ABCA13: variants seen among roughly 807,000 people sequenced by gnomAD.
The protein encoded by ABCA13 is ATP binding cassette subfamily A member 13.
ABCA13 carries 476 observed loss-of-function variants against 478.7 expected under a neutral mutation model. That is an observed-to-expected ratio of 0.99 (90% confidence interval 0.92 to 1.07). The LOEUF (loss-of-function observed/expected upper bound fraction) is 1.07, where lower values mean the gene tolerates loss of function less well. Ranked by LOEUF, ABCA13 falls within the 50% of genes least tolerant of loss-of-function variation. The pLI is 0.00. For missense variants in ABCA13, 6,060 were observed against 5,910.6 expected (o/e 1.03, Z -0.83); for synonymous variants, 2,252 against 2,158.9 (o/e 1.04, Z -1.20).
At chr7:48,440,360 A>G (rs1168217560) in intron 42 of ABCA13, among the ~76,000 whole-genome samples, 1 of 152,124 alleles carries the variant, frequency 6.6e-6, no homozygotes, top group African/African-American at 2.4e-5. Context: ...ATCATACAGT[A>G]TATATAGAAG....
chr7:48,343,715 A>G (rs1179291853), intron 29 of ABCA13, among the ~76,000 whole-genome samples: 1 of 152,044 alleles, frequency 6.6e-6, no homozygotes, highest in Non-Finnish European at 1.5e-5. Flanking sequence ...CACTGTACCC[A>G]ATGTGTAGAC....
chr7:48,176,110 A>T (rs763962554), intron 1 of ABCA13, among the ~76,000 whole-genome samples: 2 of 152,242 alleles, frequency 1.3e-5, no homozygotes, highest in East Asian at 3.9e-4. Context: ...CCAGGATCCT[A>T]CATCTGTTGA....
Position 48,352,450 on chromosome 7 carries a change from A to T in ABCA13, c.10651A>T (p.Thr3551Ser). 6.2e-7 allele frequency: 1 copy of T among 1,611,750 alleles called. No homozygotes were observed. Among genetic ancestry groups the T allele is most frequent in the Non-Finnish European group, 8.5e-7 (1 of 1,178,836 alleles). Reference protein sequence around the residue: ...GQEALEPAAQTQAAPYPCHTS... With the variant: ...GQEALEPAAQSQAAPYPCHTS... ...GGAAGCCCTGGAACCAGCAGCACAG[A>T]CTCAGGCGGCCCCTTACCCCTGCCA... Residue 3551 changes from threonine to serine, a missense_variant, in exon 31 of 62, where the codon ACT (threonine) becomes TCT (serine). Transcript: ENST00000435803.
chr7:48,461,012 A>G (rs1826185538), intron 43 of ABCA13, among the ~76,000 whole-genome samples: 1 of 152,268 alleles, frequency 6.6e-6, no homozygotes, highest in Non-Finnish European at 1.5e-5. Context: ...CATCTTTATC[A>G]CATGAGATAG....
intron 3 of ABCA13, among the ~76,000 whole-genome samples, chr7:48,218,535 C>T (rs73694372): frequency 0.079 from 11,955 of 151,946 alleles, 1,253 homozygotes; most frequent in African/African-American, 0.24. Flanking sequence ...TTTTTTAAAG[C>T]AAAGCAAAAC....
intron 59 of ABCA13, among the ~76,000 whole-genome samples, chr7:48,636,982 T>A (rs538264921): frequency 6.6e-6 from 1 of 152,270 alleles, no homozygotes; most frequent in Non-Finnish European, 1.5e-5. Flanking sequence ...ATTATTTATT[T>A]AAGGGCTGTA....
intron 35 of ABCA13, among the ~76,000 whole-genome samples, chr7:48,386,352 C>T (rs1392305458): frequency 6.6e-6 from 1 of 152,192 alleles, no homozygotes; most frequent in African/African-American, 2.4e-5. Context: ...CATTAAACTA[C>T]CATTGATATT....
At chr7:48,227,832 T>G (rs1008517173) in intron 6 of ABCA13, among the ~76,000 whole-genome samples, 1 of 152,238 alleles carries the variant, frequency 6.6e-6, no homozygotes, top group African/African-American at 2.4e-5. Flanking sequence ...GGCTTGAATA[T>G]AATAATTTCA....
chr7:48,409,126 A>G (rs1818653486), intron 39 of ABCA13, among the ~76,000 whole-genome samples: 2 of 152,230 alleles, frequency 1.3e-5, no homozygotes, highest in Non-Finnish European at 2.9e-5. Context: ...AGACATGTTT[A>G]GCCTTCTCTC....
rs576416572 is a variant in ABCA13, at chr7:48,517,014, C to A, written c.13797+133C>A. On this transcript the variant is annotated intron_variant, in intron 52 of 61. Coordinates refer to ENST00000435803, the MANE Select transcript of ABCA13 (RefSeq NM_152701.5). ...CATTGGTATCCACTGTCTTTAAACT[C>A]CAGAGAGATAAATGGATTCTAATTA... 6 of 1,002,372 alleles carry A rather than the reference C, an allele frequency of 6.0e-6. No individual in the cohort carries two copies. The South Asian group carries it at 1.0e-4, about 17-fold the overall frequency. 62.1% of individuals were successfully genotyped at this position (1,002,372 alleles called of 1,614,324 possible).
intron 16 of ABCA13, among the ~76,000 whole-genome samples, chr7:48,270,762 G>A (rs573382943): frequency 2.0e-5 from 3 of 152,296 alleles, no homozygotes; most frequent in East Asian, 1.9e-4. Context: ...GTCAGACAGT[G>A]TGTTATACAA....
chr7:48,193,947 G>T (rs1584087155), intron 2 of ABCA13, among the ~76,000 whole-genome samples: 1 of 46,884 alleles, frequency 2.1e-5, no homozygotes, highest in African/African-American at 7.9e-5. Flanking sequence ...TAATAGTAAT[G>T]ATGTGATCAT....
At chr7:48,467,157 T>G (rs1381751712) in intron 44 of ABCA13, 112 bp downstream of exon 44, 10 of 1,099,982 alleles carry the variant, frequency 9.1e-6, no homozygotes, top group Non-Finnish European at 2.8e-6. Flanking sequence ...GTTTATGTTA[T>G]AAAAAATGAA....
chr7:48,281,732 A>G (rs1797074750), intron 19 of ABCA13, among the ~76,000 whole-genome samples: 1 of 152,096 alleles, frequency 6.6e-6, no homozygotes. Context: ...TTCTTGACCT[A>G]AACTACAGCC....
chr7:48,304,205 G>A (rs1412238228), intron 23 of ABCA13, among the ~76,000 whole-genome samples: 5 of 151,928 alleles, frequency 3.3e-5, no homozygotes, highest in Admixed American at 1.3e-4. Context: ...TTTCCATCAC[G>A]ACTTCTTAAA....
chr7:48,229,978 G>C (rs1344897202), intron 7 of ABCA13, 23 bp downstream of exon 7: 1 of 1,603,172 alleles, frequency 6.2e-7, no homozygotes, highest in African/African-American at 1.3e-5. Flanking sequence ...TGTAGCTATT[G>C]CTATATTTCA....
chr7:48,248,120 C>T, intron 13 of ABCA13, 119 bp from the exon 14 acceptor site: 1 of 774,130 alleles, frequency 1.3e-6, no homozygotes, highest in South Asian at 2.1e-5. Flanking sequence ...AGGGCACGAT[C>T]TTTGATGTAC....
chr7:48,471,587 A>G lies in ABCA13; in HGVS notation c.12963A>G (p.Ser4321=). 1.3e-6 allele frequency: 2 copies of G among 1,563,728 alleles called. No homozygotes were observed. The highest frequency in any genetic ancestry group is 2.3e-5 in the East Asian group (1 of 42,978). ...DPFSHPEFQD[S]CGCLKCPNRS... ...TTTCTCACCCAGAATTCCAGGATTC[A>G]TGTGGCTGCCTGGTAGGTTTCTGCA... The change falls in exon 45 of 62, where the codon TCA becomes TCG. Residue 4321 remains serine, a synonymous_variant. Coordinates refer to ENST00000435803, the MANE Select transcript of ABCA13 (RefSeq NM_152701.5).
intron 14 of ABCA13, 142 bp downstream of exon 14, chr7:48,248,586 CCTA>C (rs1445980875): frequency 1.5e-6 from 1 of 681,670 alleles, no homozygotes; most frequent in Non-Finnish European, 2.2e-6. Context: ...AAAATATTAA[CCTA>C]CTGGTACTGT....
Sources: gnomAD v4.1 joint callset for allele counts (sites outside exome capture counted in the v4.1 genomes callset) on GRCh38, gnomAD v4.1.1 for gene constraint, MANE v1.5 for transcripts, NCBI Gene and HGNC (gene_info 2026-07-23, HGNC 2026-07-21) for gene names.